The following ST8SIA5 variants were observed in gnomAD, a reference collection of about 807,000 sequenced individuals.
ST8SIA5 encodes alpha-2,8-sialyltransferase 8E.
ST8SIA5 carries 24 observed loss-of-function variants against 40.2 expected under a neutral mutation model. The observed-to-expected ratio is 0.60, with a 90% CI of 0.43 to 0.84. ST8SIA5 has a LOEUF of 0.84. ST8SIA5 is among the 40% of genes least tolerant of loss of function. The pLI is 0.00. For synonymous variants in ST8SIA5, 198 were observed against 201.8 expected (o/e 0.98, Z 0.16); for missense variants, 465 against 498.5 (o/e 0.93, Z 0.64).
At chr18:46,725,780 C>T (rs2039911740) in intron 1 of ST8SIA5, among the ~76,000 whole-genome samples, 1 of 149,904 alleles carries the variant, frequency 6.7e-6, no homozygotes, top group South Asian at 2.1e-4. Flanking sequence ...TCAAAGAAAC[C>T]CAATGAGGAA....
At chr18:46,721,450 G>A (rs2039862704) in intron 1 of ST8SIA5, 2 of 1,536,134 alleles carry the variant, frequency 1.3e-6, no homozygotes, top group Non-Finnish European at 1.7e-6. Flanking sequence ...TCACCACTCT[G>A]CCAACCAAAC....
rs1425468107 is a variant in ST8SIA5, at chr18:46,686,288, T to A, written c.457-2A>T. On this transcript the variant is annotated splice_acceptor_variant, in intron 4 of 6. Transcript: ENST00000315087. LOFTEE classifies it high-confidence loss of function. ...CTGGGACCGGTAGTAGGGCATGTCC[T>A]GGGGGAGGCACAGGCACAGCTGTCA... is the stretch of plus-strand genomic sequence containing the variant. 6.2e-7 allele frequency: 1 copy of A among 1,613,778 alleles called. No individual in the cohort carries two copies. The highest frequency in any genetic ancestry group is 1.3e-5 in the African/African-American group (1 of 74,918).
At chr18:46,733,700 G>A (rs1304979792) in intron 1 of ST8SIA5, among the ~76,000 whole-genome samples, 1 of 152,174 alleles carries the variant, frequency 6.6e-6, no homozygotes, top group African/African-American at 2.4e-5. Flanking sequence ...CATGTGAGCA[G>A]GACAGGAAGT....
chr18:46,685,314 G>C (rs1244256142), intron 5 of ST8SIA5, among the ~76,000 whole-genome samples: 1 of 152,306 alleles, frequency 6.6e-6, no homozygotes, highest in Admixed American at 6.5e-5. Flanking sequence ...GAGGGCCAGA[G>C]ATTTCGGTGT....
chr18:46,756,346 G>C (rs1429786589), intron 1 of ST8SIA5, 32 bp downstream of exon 1: 1 of 1,604,282 alleles, frequency 6.2e-7, no homozygotes, highest in East Asian at 2.3e-5. Flanking sequence ...GGCCGGCTCC[G>C]CGCATCCCGC....
chr18:46,680,118 G>C lies in ST8SIA5; in HGVS notation c.1055C>G (p.Ser352Cys). Reference sequence around the variant, plus strand: ...CAAGTGCAGGAAGTTGAAGATCTCAGAGGGCATGGCGTGGAAGCCGGGACG... The same window carrying C: ...CAAGTGCAGGAAGTTGAAGATCTCACAGGGCATGGCGTGGAAGCCGGGACG... ...KPRPGFHAMPSEIFNFLHLHS... is the reference protein window; with the variant it reads ...KPRPGFHAMPCEIFNFLHLHS... The change falls in exon 7 of 7, where the codon TCT (serine) becomes TGT (cysteine). Residue 352 changes from serine (S) to cysteine (C), a missense_variant. Physicochemically the swap from Ser to Cys is moderately radical, Grantham distance 112 (BLOSUM62 -1). Transcript: ENST00000315087. 1 of 1,614,238 alleles carries C rather than the reference G, an allele frequency of 6.2e-7. No individual in the cohort carries two copies. Among genetic ancestry groups the C allele is most frequent in the Non-Finnish European group, 8.5e-7 (1 of 1,180,052 alleles).
At chr18:46,752,951 C>T (rs905887808) in intron 1 of ST8SIA5, among the ~76,000 whole-genome samples, 20 of 152,168 alleles carry the variant, frequency 1.3e-4, no homozygotes, top group African/African-American at 4.6e-4. Flanking sequence ...AGCTAACATC[C>T]TTCTTAGGGG....
In ST8SIA5 at chr18:46,670,909, A is replaced by G. The variant is rs1460427769; in HGVS notation, c.*9133T>C. On this transcript the variant is annotated 3_prime_UTR_variant, in exon 7 of 7. Transcript: ENST00000315087. ...GTTTGCTTTGTCATTAGAAATCAGAACCAAGTTCACTAGAACTGAATTTAA... is the reference window on the plus strand; with the variant it reads ...GTTTGCTTTGTCATTAGAAATCAGAGCCAAGTTCACTAGAACTGAATTTAA... 1 of 152,182 alleles carries G rather than the reference A, an allele frequency of 6.6e-6. No homozygotes were observed. Among genetic ancestry groups the G allele is most frequent in the Non-Finnish European group, 1.5e-5 (1 of 68,042 alleles). 9.4% of individuals were successfully genotyped at this position (152,182 alleles called of 1,614,324 possible). A position where few individuals can be genotyped will look rare whatever the true frequency, so the allele number is the denominator to read the frequency against.
intron 2 of ST8SIA5, among the ~76,000 whole-genome samples, chr18:46,701,288 G>A (rs1194112575): frequency 2.6e-5 from 4 of 151,536 alleles, no homozygotes; most frequent in African/African-American, 4.9e-5. Context: ...TTACAGGTGC[G>A]TGCCACCATG....
intron 2 of ST8SIA5, among the ~76,000 whole-genome samples, chr18:46,695,049 G>GT (rs1375963696): frequency 6.6e-6 from 1 of 151,620 alleles, no homozygotes; most frequent in African/African-American, 2.4e-5. Context: ...ATCCCAGCTA[G>GT]TTGGGAGGCT....
intron 1 of ST8SIA5, among the ~76,000 whole-genome samples, chr18:46,737,801 C>T (rs1437509293): frequency 6.6e-6 from 1 of 151,692 alleles, no homozygotes; most frequent in Non-Finnish European, 1.5e-5. Context: ...GACAGAGTCT[C>T]ACTGTGTCGC....
In ST8SIA5 at chr18:46,668,880, G is replaced by A. The variant is rs12953964; in HGVS notation, c.*11162C>T. 9,799 of 152,398 alleles carry A rather than the reference G, an allele frequency of 0.064. 402 individuals are homozygous for A. The highest frequency in any genetic ancestry group is 0.15 in the East Asian group (787 of 5,146). 9.4% of individuals were successfully genotyped at this position (152,398 alleles called of 1,614,324 possible). ...AGAGTACAGGACGATGGGCTCGGGAGTCCGGGGTAGTCTGGCAGGAGCTGC... is the reference window on the plus strand; with the variant it reads ...AGAGTACAGGACGATGGGCTCGGGAATCCGGGGTAGTCTGGCAGGAGCTGC... On this transcript the variant is annotated 3_prime_UTR_variant, in exon 7 of 7. Coordinates refer to ENST00000315087, the MANE Select transcript of ST8SIA5 (RefSeq NM_013305.6).
chr18:46,704,149 T>C (rs2039645721), intron 2 of ST8SIA5, among the ~76,000 whole-genome samples: 1 of 152,108 alleles, frequency 6.6e-6, no homozygotes, highest in South Asian at 2.1e-4. Flanking sequence ...AATTTAAAAA[T>C]CCAAACTTTT....
At chr18:46,737,587 T>C (rs910032161) in intron 1 of ST8SIA5, among the ~76,000 whole-genome samples, 3 of 152,160 alleles carry the variant, frequency 2.0e-5, no homozygotes, top group Admixed American at 6.5e-5. Context: ...GAATAAAGCA[T>C]CTCTTACAAG....
At chr18:46,704,413 C>G in intron 2 of ST8SIA5, among the ~76,000 whole-genome samples, 159 bp downstream of exon 2, 1 of 152,248 alleles carries the variant, frequency 6.6e-6, no homozygotes. Flanking sequence ...CAGGGCTTTC[C>G]GAATGCCAGT....
intron 1 of ST8SIA5, among the ~76,000 whole-genome samples, chr18:46,710,685 G>A (rs2039723299): frequency 6.6e-6 from 1 of 151,658 alleles, no homozygotes; most frequent in South Asian, 2.1e-4. Flanking sequence ...CCAGGGTCTG[G>A]CCCTCTGAGA....
intron 1 of ST8SIA5, among the ~76,000 whole-genome samples, chr18:46,751,062 T>G (rs567318316): frequency 1.3e-5 from 2 of 152,196 alleles, no homozygotes; most frequent in Admixed American, 1.3e-4. Context: ...TGTGCTACCA[T>G]CACCACCATC....
At chr18:46,701,742 G>A (rs2039618897) in intron 2 of ST8SIA5, among the ~76,000 whole-genome samples, 1 of 152,210 alleles carries the variant, frequency 6.6e-6, no homozygotes, top group African/African-American at 2.4e-5. Context: ...GAAAATACAT[G>A]CATAGAGGGA....
At chr18:46,695,259 C>T (rs993472367) in intron 2 of ST8SIA5, among the ~76,000 whole-genome samples, 1 of 151,912 alleles carries the variant, frequency 6.6e-6, no homozygotes, top group African/African-American at 2.4e-5. Flanking sequence ...TCAAACAAGG[C>T]AAGCCTCCCC....
Sources: allele counts gnomAD v4.1 joint callset (sites outside exome capture counted in the v4.1 genomes callset), GRCh38; gene constraint gnomAD v4.1.1; transcripts MANE v1.5; gene names NCBI Gene and HGNC (gene_info 2026-07-23, HGNC 2026-07-21).